PRKCE: variants seen among roughly 807,000 people sequenced by gnomAD.
PRKCE encodes protein kinase C epsilon, also known as protein kinase C epsilon type.
In PRKCE, 16 loss-of-function variants were observed where a neutral mutation model predicts 85.4. That is an observed-to-expected ratio of 0.19 (90% CI 0.13 to 0.28). The LOEUF is 0.28. PRKCE is among the 10% of genes least tolerant of loss of function. PRKCE has a pLI of 1.00. For missense variants in PRKCE, 573 were observed against 975.2 expected (o/e 0.59, Z 5.49); for synonymous variants, 388 against 371.5 (o/e 1.04, Z -0.51).
intron 11 of PRKCE, among the ~76,000 whole-genome samples, chr2:46,090,608 CTTTG>C (rs1162178462): frequency 1.3e-5 from 2 of 152,134 alleles, no homozygotes; most frequent in Non-Finnish European, 2.9e-5. Flanking sequence ...TTTCTCCAGT[CTTTG>C]TTTGAAGCAT....
At chr2:45,744,473 CTTTCTT>C (rs1406653927) in intron 1 of PRKCE, among the ~76,000 whole-genome samples, 2 of 39,098 alleles carry the variant, frequency 5.1e-5, no homozygotes, top group African/African-American at 1.9e-4. Flanking sequence ...TTCTTTCTTT[CTTTCTT>C]TCTTTCTTTT....
chr2:45,889,356 T>G (rs1265236949), intron 2 of PRKCE, among the ~76,000 whole-genome samples: 3 of 152,080 alleles, frequency 2.0e-5, no homozygotes, highest in Non-Finnish European at 4.4e-5. Context: ...GCATAAATGG[T>G]CCATAAGCGC....
At chr2:45,927,846 T>A (rs1435748367) in intron 2 of PRKCE, among the ~76,000 whole-genome samples, 1 of 152,164 alleles carries the variant, frequency 6.6e-6, no homozygotes, top group Admixed American at 6.5e-5. Flanking sequence ...TCCACAGTGA[T>A]TTCAAATAGT....
chr2:45,727,024 A>C (rs1054309673), intron 1 of PRKCE, among the ~76,000 whole-genome samples: 4 of 152,214 alleles, frequency 2.6e-5, no homozygotes, highest in Non-Finnish European at 5.9e-5. Context: ...TTGACCTTAG[A>C]GTTTTTATTA....
chr2:46,005,353 A>T (rs561655375), intron 8 of PRKCE, among the ~76,000 whole-genome samples: 12 of 152,338 alleles, frequency 7.9e-5, no homozygotes, highest in African/African-American at 2.9e-4. Context: ...CGTGACCATT[A>T]TCAGATATGC....
chr2:45,686,199 T>G (rs1422773615), intron 1 of PRKCE: 1 of 152,190 alleles, frequency 6.6e-6, no homozygotes. Flanking sequence ...AAACTTTTCC[T>G]TCTTTATAAT....
intron 6 of PRKCE, among the ~76,000 whole-genome samples, chr2:45,997,592 G>A (rs1299506330): frequency 1.3e-5 from 2 of 151,818 alleles, no homozygotes; most frequent in East Asian, 1.9e-4. Context: ...TGTCACCCAG[G>A]CTGGAGTGCA....
At chr2:46,013,457 C>T (rs1374661528) in intron 10 of PRKCE, among the ~76,000 whole-genome samples, 1 of 152,102 alleles carries the variant, frequency 6.6e-6, no homozygotes, top group African/African-American at 2.4e-5. Context: ...GTCTTCCCTA[C>T]GATCTAGTGG....
At chr2:45,933,543 G>A (rs534031677) in intron 2 of PRKCE, among the ~76,000 whole-genome samples, 1 of 131,446 alleles carries the variant, frequency 7.6e-6, no homozygotes, top group African/African-American at 2.9e-5. Flanking sequence ...GCGCGATCTC[G>A]GCTCACTGCA....
Position 45,843,011 on chromosome 2 carries a change from G to C in PRKCE, c.360G>C (p.Glu120Asp). ...SRHFEDWIDLEPEGRVYVIID... is the reference protein window; with the variant it reads ...SRHFEDWIDLDPEGRVYVIID... ...TTTCTTAATTGCAGATTGATCTGGA[G>C]CCAGAAGGAAGAGTGTATGTGATCA... Residue 120 changes from glutamate to aspartate, a missense_variant, in exon 2 of 15, where the codon GAG becomes GAC. Coordinates refer to ENST00000306156, the MANE Select transcript of PRKCE (RefSeq NM_005400.3). 1 of 1,614,158 alleles carries C rather than the reference G, an allele frequency of 6.2e-7. No individual in the cohort carries two copies. The highest frequency in any genetic ancestry group is 1.1e-5 in the South Asian group (1 of 91,090).
chr2:45,794,737 GA>G (rs1687286214), intron 1 of PRKCE, among the ~76,000 whole-genome samples: 1 of 151,850 alleles, frequency 6.6e-6, no homozygotes, highest in Non-Finnish European at 1.5e-5. Flanking sequence ...TGGACTGTTC[GA>G]ATACAAGCCT....
chr2:46,158,005 C>T (rs1196428497), intron 13 of PRKCE, among the ~76,000 whole-genome samples: 1 of 152,252 alleles, frequency 6.6e-6, no homozygotes, highest in African/African-American at 2.4e-5. Context: ...CACAGTCTCC[C>T]TCCCTCAGTG....
intron 2 of PRKCE, among the ~76,000 whole-genome samples, chr2:45,949,691 G>A (rs1385799829): frequency 6.6e-6 from 1 of 150,952 alleles, no homozygotes. Flanking sequence ...TTTTGCACTG[G>A]GTCTAACAGT....
At chr2:46,062,906 G>A (rs985606138) in intron 10 of PRKCE, among the ~76,000 whole-genome samples, 2 of 152,172 alleles carry the variant, frequency 1.3e-5, no homozygotes, top group Non-Finnish European at 2.9e-5. Flanking sequence ...TGGGATTACA[G>A]GCATGGGCCA....
At chr2:46,157,063 G>C (rs1487563158) in intron 13 of PRKCE, among the ~76,000 whole-genome samples, 2 of 152,182 alleles carry the variant, frequency 1.3e-5, no homozygotes, top group African/African-American at 4.8e-5. Context: ...TCTTGCAACA[G>C]GCATATCTTC....
chr2:45,898,493 T>A (rs1696322573), intron 2 of PRKCE, among the ~76,000 whole-genome samples: 1 of 152,180 alleles, frequency 6.6e-6, no homozygotes, highest in Admixed American at 6.5e-5. Context: ...GAGGACTGGG[T>A]CGCTGGAGTC....
At chr2:45,687,354 A>G (rs1677377086) in intron 1 of PRKCE, among the ~76,000 whole-genome samples, 1 of 152,242 alleles carries the variant, frequency 6.6e-6, no homozygotes, top group African/African-American at 2.4e-5. Context: ...ACTCTTAAAT[A>G]TACAGAAAGA....
chr2:45,699,922 G>T (rs1678480857), intron 1 of PRKCE, among the ~76,000 whole-genome samples: 1 of 152,048 alleles, frequency 6.6e-6, no homozygotes. Context: ...GATCAAGGAA[G>T]TGTGGGGAGC....
chr2:45,665,373 C>T (rs1428195939), intron 1 of PRKCE, among the ~76,000 whole-genome samples: 1 of 152,014 alleles, frequency 6.6e-6, no homozygotes, highest in Non-Finnish European at 1.5e-5. Context: ...CTTCTGTTTG[C>T]TAATTTAAAA....
Sources: allele counts gnomAD v4.1 joint callset (sites outside exome capture counted in the v4.1 genomes callset), GRCh38; gene constraint gnomAD v4.1.1; transcripts MANE v1.5; gene names NCBI Gene and HGNC (gene_info 2026-07-23, HGNC 2026-07-21).